Variants in PRKCE observed in about 807,000 individuals in gnomAD.
PRKCE encodes protein kinase C epsilon.
In PRKCE, 16 loss-of-function variants were observed where a neutral mutation model predicts 85.4. That is an observed-to-expected ratio of 0.19 (90% CI 0.13 to 0.28). The LOEUF is 0.28. Among genes scored for constraint, PRKCE ranks in the 10% least tolerant of loss-of-function variants. The pLI is 1.00. For synonymous variants in PRKCE, 388 were observed against 371.5 expected (o/e 1.04, Z -0.51); for missense variants, 573 against 975.2 (o/e 0.59, Z 5.49).
Position 45,935,057 on chromosome 2 carries a change from A to ACTCT in PRKCE, c.413-41364_413-41361dup, listed in dbSNP as rs764371155. On this transcript the variant is annotated intron_variant, in intron 2 of 14. Transcript: ENST00000306156. ...GCCTGGGCAGCAAAGCGAGACACTC[A>ACTCT]CTCTCTCTCTCACACACACACACAC... Among the ~76,000 whole-genome samples, 35 of 146,214 alleles carry ACTCT rather than the reference A, an allele frequency of 2.4e-4. 1 individual carries two copies. The highest frequency in any genetic ancestry group is 8.0e-4 in the African/African-American group (31 of 38,926).
chr2:45,659,719 C>T (rs367731168), intron 1 of PRKCE, among the ~76,000 whole-genome samples: 1 of 152,094 alleles, frequency 6.6e-6, no homozygotes, highest in African/African-American at 2.4e-5. Flanking sequence ...GCCCTTTTCC[C>T]AGATATCCAC....
intron 2 of PRKCE, among the ~76,000 whole-genome samples, chr2:45,894,306 A>G (rs1695966294): frequency 1.3e-5 from 2 of 151,842 alleles, no homozygotes; most frequent in South Asian, 4.2e-4. Context: ...GATTGAGGAA[A>G]CTGATTACTT....
intron 1 of PRKCE, among the ~76,000 whole-genome samples, chr2:45,772,877 G>C (rs74648523): frequency 7.9e-5 from 12 of 152,198 alleles, no homozygotes; most frequent in Admixed American, 3.9e-4. Flanking sequence ...ACTATGTGCT[G>C]TACCCGTGAC....
chr2:45,663,268 A>G (rs1675759509), intron 1 of PRKCE, among the ~76,000 whole-genome samples: 1 of 152,256 alleles, frequency 6.6e-6, no homozygotes, highest in Non-Finnish European at 1.5e-5. Context: ...GAAAAACATT[A>G]TAATTAGAAA....
intron 3 of PRKCE, chr2:45,978,241 C>G (rs987157172): frequency 6.6e-6 from 1 of 152,254 alleles, no homozygotes; most frequent in Non-Finnish European, 1.5e-5. Context: ...AGTCCATGGG[C>G]AAAGGCCACT....
rs1698614818 is a variant in PRKCE, at chr2:45,926,369, T to G, written c.413-50060T>G. Among the ~76,000 whole-genome samples, 4 of 152,280 alleles carry G rather than the reference T, an allele frequency of 2.6e-5. No individual in the cohort carries two copies. In the South Asian group the frequency reaches 8.3e-4, roughly 32 times the overall value. ...AAAGCCTTTCACAAGTAGGTTTCCA[T>G]TACACAGCAAGTCGAGGAGGAGCTG... On this transcript the variant is annotated intron_variant, in intron 2 of 14. Coordinates refer to ENST00000306156, the MANE Select transcript of PRKCE (RefSeq NM_005400.3).
intron 1 of PRKCE, among the ~76,000 whole-genome samples, chr2:45,706,626 T>C (rs2104309984): frequency 6.6e-6 from 1 of 152,312 alleles, no homozygotes; most frequent in Middle Eastern, 3.4e-3. Flanking sequence ...TGGCATCACA[T>C]CCCAGCAGTA....
intron 1 of PRKCE, among the ~76,000 whole-genome samples, chr2:45,674,096 T>G (rs1676307207): frequency 6.6e-6 from 1 of 152,220 alleles, no homozygotes; most frequent in African/African-American, 2.4e-5. Flanking sequence ...AAATATTTTT[T>G]AAAAGCTACT....
Position 45,677,831 on chromosome 2 carries a change from G to C in PRKCE, c.348+25383G>C, listed in dbSNP as rs568271664. The stretch of plus-strand genomic sequence containing the variant: ...GATCGTTGTGGAAAATTCTGTTTCA[G>C]AGACACAACCGCTTCAGATGGGCAG... On this transcript the variant is annotated intron_variant, in intron 1 of 14. Transcript: ENST00000306156. 210 of 985,430 alleles carry C rather than the reference G, an allele frequency of 2.1e-4. 2 individuals are homozygous for C. In the South Asian group the frequency reaches 8.2e-3, roughly 39 times the overall value. 61.0% of individuals were successfully genotyped at this position (985,430 alleles called of 1,614,324 possible). A position where few individuals can be genotyped will look rare whatever the true frequency, so the allele number is the denominator to read the frequency against.
intron 10 of PRKCE, among the ~76,000 whole-genome samples, chr2:46,030,621 G>A (rs1707449344): frequency 6.6e-6 from 1 of 152,194 alleles, no homozygotes; most frequent in Non-Finnish European, 1.5e-5. Flanking sequence ...GGATGCATAA[G>A]ATCTAAAGCT....
At chr2:45,827,093 C>T (rs1690002795) in intron 1 of PRKCE, among the ~76,000 whole-genome samples, 1 of 152,178 alleles carries the variant, frequency 6.6e-6, no homozygotes, top group African/African-American at 2.4e-5. Context: ...CGTGCCAGGC[C>T]CTGGCTCTCT....
intron 2 of PRKCE, among the ~76,000 whole-genome samples, chr2:45,910,979 AG>A (rs1697341900): frequency 6.6e-6 from 1 of 152,216 alleles, no homozygotes. Context: ...AATGGAAAAC[AG>A]GGCAAGAAGG....
At chr2:46,101,632 C>A (rs1041880658) in intron 11 of PRKCE, among the ~76,000 whole-genome samples, 2 of 152,178 alleles carry the variant, frequency 1.3e-5, no homozygotes, top group African/African-American at 4.8e-5. Flanking sequence ...CAGGTTTTAT[C>A]TGGAACAACA....
intron 2 of PRKCE, among the ~76,000 whole-genome samples, chr2:45,868,436 C>G (rs1693803387): frequency 6.6e-6 from 1 of 150,648 alleles, no homozygotes; most frequent in Admixed American, 6.6e-5. Context: ...TAGCCCAACT[C>G]TCCTGAGCCC....
chr2:45,801,281 A>G (rs928644580), intron 1 of PRKCE, among the ~76,000 whole-genome samples: 1 of 152,108 alleles, frequency 6.6e-6, no homozygotes, highest in Non-Finnish European at 1.5e-5. Flanking sequence ...TTAGGAAGAC[A>G]TTTGGTATTT....
chr2:45,909,083 C>T (rs1000663829), intron 2 of PRKCE, among the ~76,000 whole-genome samples: 1 of 152,142 alleles, frequency 6.6e-6, no homozygotes, highest in Non-Finnish European at 1.5e-5. Flanking sequence ...AGAAAAACAC[C>T]AAACAGTTTT....
chr2:45,916,111 GTGTCTGA>G (rs906377043), intron 2 of PRKCE, among the ~76,000 whole-genome samples: 2 of 152,056 alleles, frequency 1.3e-5, no homozygotes, highest in African/African-American at 4.8e-5. Flanking sequence ...GAAGGGTGTG[GTGTCTGA>G]TGGATTTCAT....
chr2:45,724,774 A>G (rs1680915654), intron 1 of PRKCE, among the ~76,000 whole-genome samples: 1 of 152,220 alleles, frequency 6.6e-6, no homozygotes, highest in South Asian at 2.1e-4. Flanking sequence ...CAAGGCCCTA[A>G]CTCTCTTTAA....
intron 10 of PRKCE, among the ~76,000 whole-genome samples, chr2:46,014,096 A>G (rs536996137): frequency 1.3e-5 from 2 of 152,166 alleles, no homozygotes; most frequent in African/African-American, 2.4e-5. Context: ...GCTCCATGGG[A>G]TCTAGAAAGG....
Sources: allele counts gnomAD v4.1 joint callset (sites outside exome capture counted in the v4.1 genomes callset), GRCh38; gene constraint gnomAD v4.1.1; transcripts MANE v1.5; gene names NCBI Gene and HGNC (gene_info 2026-07-23, HGNC 2026-07-21).